The following DGKK variants were observed in gnomAD, a reference collection of about 807,000 sequenced individuals.
The protein encoded by DGKK is 142 kDa diacylglycerol kinase.
Under a neutral mutation model 92.2 loss-of-function variants are expected in DGKK, and 35 were observed. That is an observed-to-expected ratio of 0.38 (90% confidence interval 0.29 to 0.50). The LOEUF (loss-of-function observed/expected upper bound fraction) is 0.50, where lower values mean the gene tolerates loss of function less well. Ranked by LOEUF, DGKK falls within the 20% of genes least tolerant of loss-of-function variation. The pLI, the probability that DGKK is intolerant of heterozygous loss-of-function variation, is 0.92. For synonymous variants in DGKK, 368 were observed against 360.6 expected, an observed-to-expected ratio of 1.02 and a Z score of -0.23; for missense variants, 910 against 992.2, an observed-to-expected ratio of 0.92 and a Z score of 1.11.
At chrX:50,425,289 A>C (rs782355267) in intron 1 of DGKK, among the ~76,000 whole-genome samples, 1 of 111,539 alleles carries the variant, frequency 9.0e-6, no homozygotes, top group Non-Finnish European at 1.9e-5. Context: ...CAAAGTTTCA[A>C]ATTAGTTGGT....
chrX:50,408,432 G>A (rs1456972338), intron 4 of DGKK, among the ~76,000 whole-genome samples: 1 of 111,895 alleles, frequency 8.9e-6, no homozygotes, highest in Non-Finnish European at 1.9e-5. Flanking sequence ...AGGCTGGAGT[G>A]CAGTGGCGCG....
At chrX:50,432,962 A>C (rs1925926293) in intron 1 of DGKK, among the ~76,000 whole-genome samples, 1 of 111,911 alleles carries the variant, frequency 8.9e-6, no homozygotes, top group African/African-American at 3.3e-5. Context: ...ATCTGAGCCC[A>C]GGCTGACAAA....
In DGKK at chrX:50,386,426, A is replaced by G; in HGVS notation, c.2279T>C (p.Leu760Ser). Reference sequence around the variant, plus strand: ...ACTCTGGGCCTTTGTAGCCAGCTCCAACTTGCACTTGGCTATGTGGTCTAT... The same window carrying G: ...ACTCTGGGCCTTTGTAGCCAGCTCCGACTTGCACTTGGCTATGTGGTCTAT... Reference protein sequence around the residue: ...PQIDHIAKCKLELATKAQSLQ... With the variant: ...PQIDHIAKCKSELATKAQSLQ... The change falls in exon 15 of 28, where the codon TTG becomes TCG. Residue 760 changes from leucine (L) to serine (S), a missense_variant. Transcript: ENST00000611977. 1 of 1,211,214 alleles carries G rather than the reference A, an allele frequency of 8.3e-7. No homozygotes were observed. The highest frequency in any genetic ancestry group is 1.1e-6 in the Non-Finnish European group (1 of 895,198).
chrX:50,390,218 A>G (rs1425095579), intron 12 of DGKK, 110 bp downstream of exon 12: 6 of 678,627 alleles, frequency 8.8e-6, no homozygotes, highest in East Asian at 6.6e-5. Flanking sequence ...CCAACTCTCA[A>G]TGATCTCATC....
At chrX:50,373,217 G>T (rs1602264958) in intron 25 of DGKK, among the ~76,000 whole-genome samples, 2 of 112,112 alleles carry the variant, frequency 1.8e-5, no homozygotes, top group Admixed American at 1.9e-4. Context: ...GCTCCTTACT[G>T]CCCTACTTCT....
chrX:50,429,215 T>A (rs1352430739), intron 1 of DGKK, among the ~76,000 whole-genome samples: 1 of 111,483 alleles, frequency 9.0e-6, no homozygotes, highest in Non-Finnish European at 1.9e-5. Flanking sequence ...TTGGTTTCCC[T>A]TACTTTGTCC....
At chrX:50,379,866 G>A (rs1355870927) in intron 19 of DGKK, 115 bp downstream of exon 19, 2 of 880,163 alleles carry the variant, frequency 2.3e-6, no homozygotes, top group African/African-American at 3.9e-5. Flanking sequence ...TTCCTCCCAT[G>A]AGCTGTGAGG....
Position 50,420,268 on chromosome X carries a change from G to A in DGKK, c.942+135C>T. 6 of 536,784 alleles carry A rather than the reference G, an allele frequency of 1.1e-5. No homozygotes were observed. In the South Asian group the frequency reaches 1.6e-4, roughly 15 times the overall value. 44.2% of individuals were successfully genotyped at this position (536,784 alleles called of 1,213,427 possible). A position where few individuals can be genotyped will look rare whatever the true frequency, so the allele number is the denominator to read the frequency against. On this transcript the variant is annotated intron_variant, in intron 4 of 27. Coordinates refer to ENST00000611977, the MANE Select transcript of DGKK (RefSeq NM_001013742.4). ...CCTATTTATGAATAATTCTAAAGAGGTTTTCTGTCTATAATTCCTAAACAG... is the reference window on the plus strand; with the variant it reads ...CCTATTTATGAATAATTCTAAAGAGATTTTCTGTCTATAATTCCTAAACAG...
intron 1 of DGKK, among the ~76,000 whole-genome samples, chrX:50,437,679 C>T (rs1220172538): frequency 1.8e-5 from 2 of 111,438 alleles, no homozygotes; most frequent in Non-Finnish European, 3.8e-5. Flanking sequence ...GGTATTATAA[C>T]TCAGTCTGAT....
chrX:50,466,004 CTTTTTCT>C (rs1161986889), intron 1 of DGKK, among the ~76,000 whole-genome samples: 2,991 of 66,178 alleles, frequency 0.045, 100 homozygotes, highest in African/African-American at 0.081. Context: ...ATATTTTTTT[CTTTTTCT>C]TTTTTCTTTT....
chrX:50,459,496 A>G (rs1050098020), intron 1 of DGKK, among the ~76,000 whole-genome samples: 5 of 111,013 alleles, frequency 4.5e-5, no homozygotes, highest in African/African-American at 1.3e-4. Flanking sequence ...AGGAATTTCT[A>G]GAAAGAGGAC....
At chrX:50,460,428 A>T (rs1456849733) in intron 1 of DGKK, among the ~76,000 whole-genome samples, 2 of 111,548 alleles carry the variant, frequency 1.8e-5, no homozygotes, top group Non-Finnish European at 3.8e-5. Context: ...TTTCAGAAGA[A>T]CACTGCAAAG....
Position 50,369,039 on chromosome X carries a change from G to C in DGKK, c.3737-20C>G. On this transcript the variant is annotated intron_variant, in intron 27 of 27. Coordinates refer to ENST00000611977, the MANE Select transcript of DGKK (RefSeq NM_001013742.4). ...AATTGCCTTCAGAGGAAAAAAAATG[G>C]TATAGAAATAATGAGGTTAGCACAA... The C allele has an allele frequency of 8.5e-7, 1 of 1,172,979 alleles. No individual in the cohort carries two copies. The highest frequency in any genetic ancestry group is 1.2e-6 in the Non-Finnish European group (1 of 865,245).
rs782588304 is a variant in DGKK at position 50,464,062 on chromosome X, G to T, written c.645+5972C>A. Among the ~76,000 whole-genome samples, 93 of 108,243 alleles carry T rather than the reference G, an allele frequency of 8.6e-4. No homozygotes were observed. The South Asian group carries it at 0.017, about 20-fold the overall frequency. The allele number at this position is 108,243 out of a possible 115,157, so 94.0% of individuals were successfully genotyped here. On this transcript the variant is annotated intron_variant, in intron 1 of 27. Transcript: ENST00000611977. ...TAAAAATAAATAAATAAAATAAAAAGAATAAAGTTTTTGAGTGAATTTGAG... is the reference window on the plus strand; with the variant it reads ...TAAAAATAAATAAATAAAATAAAAATAATAAAGTTTTTGAGTGAATTTGAG...
chrX:50,450,784 T>C (rs1926476995), intron 1 of DGKK, among the ~76,000 whole-genome samples: 1 of 111,624 alleles, frequency 9.0e-6, no homozygotes. Flanking sequence ...CACCTAGAGA[T>C]GGAGAGTTGA....
In DGKK at chrX:50,368,942, A is replaced by G; in HGVS notation, c.3814T>C (p.Ter1272GlnextTer52). The change falls in exon 28 of 28, where the codon TAG (stop) becomes CAG (glutamine). Residue 1272 changes from the stop codon to glutamine, a stop_lost. Transcript: ENST00000611977. ...TGAGTTCTTCCAGCTTTCAAGGGCT[A>G]CAGTTGAGATCTCGATGGTGTTAGA... Reference protein sequence around the residue: ...DPLTPSRSQL* With the variant: ...DPLTPSRSQLQ 1 of 1,207,072 alleles carries G rather than the reference A, an allele frequency of 8.3e-7. No homozygotes were observed. Among genetic ancestry groups the G allele is most frequent in the Non-Finnish European group, 1.1e-6 (1 of 892,575 alleles).
chrX:50,384,112 G>T, intron 17 of DGKK, 56 bp downstream of exon 17: 1 of 773,782 alleles, frequency 1.3e-6, no homozygotes, highest in Non-Finnish European at 1.8e-6. Context: ...CTAAGATTGT[G>T]CTCTTAACAA....
Position 50,376,758 on chromosome X carries a change from T to C in DGKK, c.3272A>G (p.Lys1091Arg), listed in dbSNP as rs1457265185. ...LARLAENLISKLNDLSKIHQH... is the reference protein window; with the variant it reads ...LARLAENLISRLNDLSKIHQH... ...CCTGTATCTAGGCCAGTCCACTTAC[T>C]TGCTGATGAGGTTTTCTGCAAGCCG... The change falls in exon 23 of 28, where the codon AAA (lysine) becomes AGA (arginine). Residue 1091 changes from lysine (K) to arginine (R), a missense_variant and splice_region_variant. Transcript: ENST00000611977. 7 of 1,183,733 alleles carry C rather than the reference T, an allele frequency of 5.9e-6. No individual in the cohort carries two copies. In the African/African-American group the frequency reaches 8.8e-5, roughly 15 times the overall value.
At chrX:50,371,617 C>G (rs1924129387) in intron 26 of DGKK, 107 bp downstream of exon 26, 1 of 549,629 alleles carries the variant, frequency 1.8e-6, no homozygotes, top group African/African-American at 2.4e-5. Flanking sequence ...AAAGCCAGCA[C>G]TGGACCCCCT....
Sources: gnomAD v4.1 joint callset for allele counts (sites outside exome capture counted in the v4.1 genomes callset) on GRCh38, gnomAD v4.1.1 for gene constraint, MANE v1.5 for transcripts, NCBI Gene and HGNC (gene_info 2026-07-23, HGNC 2026-07-21) for gene names.